Variants in ARHGAP15 observed in about 807,000 individuals in gnomAD.
The protein encoded by ARHGAP15 is Rho GTPase activating protein 15.
In ARHGAP15, 51 loss-of-function variants were observed where a neutral mutation model predicts 63.7. The ratio of observed to expected loss-of-function variants is 0.80; its 90% CI spans 0.64 to 1.01. The LOEUF (loss-of-function observed/expected upper bound fraction) is 1.01, where lower values mean the gene tolerates loss of function less well. Ranked by LOEUF, ARHGAP15 falls within the 50% of genes least tolerant of loss-of-function variation. ARHGAP15 has a pLI of 0.00. For missense variants in ARHGAP15, 560 were observed against 564.6 expected (o/e 0.99, Z 0.08); for synonymous variants, 191 against 193.8 (o/e 0.99, Z 0.12).
At chr2:143,218,923 T>C (rs1692877844) in intron 4 of ARHGAP15, among the ~76,000 whole-genome samples, 1 of 152,242 alleles carries the variant, frequency 6.6e-6, no homozygotes, top group Non-Finnish European at 1.5e-5. Flanking sequence ...TTATGAAGAC[T>C]ACCATGTCGC....
intron 11 of ARHGAP15, among the ~76,000 whole-genome samples, chr2:143,618,068 A>G (rs766350927): frequency 9.2e-5 from 14 of 152,218 alleles, no homozygotes; most frequent in Non-Finnish European, 1.3e-4. Flanking sequence ...GCACAGAAAG[A>G]TGCTACTTTT....
intron 6 of ARHGAP15, among the ~76,000 whole-genome samples, chr2:143,269,736 A>G (rs906254891): frequency 2.0e-5 from 3 of 151,942 alleles, no homozygotes; most frequent in Non-Finnish European, 4.4e-5. Flanking sequence ...TATTTCTTTG[A>G]TTATACTGAG....
chr2:143,621,443 T>G (rs1698644784), intron 11 of ARHGAP15, among the ~76,000 whole-genome samples: 1 of 152,212 alleles, frequency 6.6e-6, no homozygotes, highest in Non-Finnish European at 1.5e-5. Context: ...CATAACTTCA[T>G]GTTTAGATAA....
intron 2 of ARHGAP15, among the ~76,000 whole-genome samples, chr2:143,160,648 G>A (rs1174027179): frequency 1.3e-5 from 2 of 151,916 alleles, no homozygotes. Flanking sequence ...GTTTCCTAAG[G>A]TATTTTGCAG....
rs982856556 is a variant in ARHGAP15 at position 143,588,408 on chromosome 2, G to A, written c.1003+31923G>A. Among the ~76,000 whole-genome samples, 3 of 152,070 alleles carry A rather than the reference G, an allele frequency of 2.0e-5. No homozygotes were observed. The East Asian group carries it at 5.8e-4, about 29-fold the overall frequency. The stretch of plus-strand genomic sequence containing the variant: ...GTTCCAGGAGACATGTGCAGAACGT[G>A]AGGTTTGCTGCATAGGTATACATGT... On this transcript the variant is annotated intron_variant, in intron 11 of 13. Transcript: ENST00000295095.
intron 10 of ARHGAP15, among the ~76,000 whole-genome samples, chr2:143,526,133 A>G (rs1363909321): frequency 6.6e-6 from 1 of 152,150 alleles, no homozygotes; most frequent in Non-Finnish European, 1.5e-5. Flanking sequence ...TAATTCACAT[A>G]TTTATTAGTG....
chr2:143,194,318 A>T (rs1365314870), intron 2 of ARHGAP15, among the ~76,000 whole-genome samples: 1 of 152,146 alleles, frequency 6.6e-6, no homozygotes, highest in African/African-American at 2.4e-5. Context: ...CTACTCCCTA[A>T]ACTATTTCAT....
intron 13 of ARHGAP15, among the ~76,000 whole-genome samples, chr2:143,749,586 T>G (rs1686293986): frequency 6.6e-6 from 1 of 152,230 alleles, no homozygotes; most frequent in African/African-American, 2.4e-5. Flanking sequence ...TATGCTTGGT[T>G]CATATAATCT....
At chr2:143,256,563 G>T (rs1287693509) in intron 6 of ARHGAP15, among the ~76,000 whole-genome samples, 1 of 151,894 alleles carries the variant, frequency 6.6e-6, no homozygotes, top group Non-Finnish European at 1.5e-5. Context: ...ACTTGCAAAA[G>T]GTAACATAGA....
chr2:143,679,977 AG>A (rs1263244288), intron 12 of ARHGAP15, among the ~76,000 whole-genome samples: 1 of 148,952 alleles, frequency 6.7e-6, no homozygotes, highest in East Asian at 2.0e-4. Context: ...ACAGAAGGCC[AG>A]GGGCAAGAGC....
chr2:143,482,548 C>T (rs542212635), intron 8 of ARHGAP15, among the ~76,000 whole-genome samples: 1 of 152,240 alleles, frequency 6.6e-6, no homozygotes, highest in Admixed American at 6.5e-5. Flanking sequence ...AACTATGTCC[C>T]GATTATCACA....
chr2:143,305,839 T>C (rs1203854139), intron 6 of ARHGAP15, among the ~76,000 whole-genome samples: 1 of 152,094 alleles, frequency 6.6e-6, no homozygotes, highest in Non-Finnish European at 1.5e-5. Context: ...TTAGCAACTG[T>C]TGTAAACAAA....
intron 1 of ARHGAP15, among the ~76,000 whole-genome samples, chr2:143,147,594 G>A (rs1190922932): frequency 6.6e-6 from 1 of 151,984 alleles, no homozygotes. Flanking sequence ...AAATTCAGAA[G>A]CAGTTCCACT....
chr2:143,469,713 TATCTC>T (rs899702937), intron 8 of ARHGAP15, among the ~76,000 whole-genome samples: 1 of 152,242 alleles, frequency 6.6e-6, no homozygotes, highest in African/African-American at 2.4e-5. Context: ...GGATATGAGA[TATCTC>T]ATTAACAAAT....
At chr2:143,585,546 GT>G (rs1211089646) in intron 11 of ARHGAP15, among the ~76,000 whole-genome samples, 2 of 152,028 alleles carry the variant, frequency 1.3e-5, no homozygotes. Flanking sequence ...TAGCAAAAAT[GT>G]TTTATGTTTA....
chr2:143,301,283 T>C (rs1229942295), intron 6 of ARHGAP15, among the ~76,000 whole-genome samples: 1 of 152,012 alleles, frequency 6.6e-6, no homozygotes, highest in African/African-American at 2.4e-5. Context: ...GTTTTGAAGA[T>C]AATAAACAAA....
intron 6 of ARHGAP15, among the ~76,000 whole-genome samples, chr2:143,331,609 A>T (rs1350095045): frequency 6.6e-6 from 1 of 152,212 alleles, no homozygotes; most frequent in Non-Finnish European, 1.5e-5. Flanking sequence ...TTTAGCAGCA[A>T]GGATTATATA....
At chr2:143,737,147 A>G (rs966158502) in intron 13 of ARHGAP15, among the ~76,000 whole-genome samples, 1 of 152,246 alleles carries the variant, frequency 6.6e-6, no homozygotes, top group Non-Finnish European at 1.5e-5. Flanking sequence ...AGCCGGGAAC[A>G]TTGAATATGT....
chr2:143,284,414 A>C (rs891929102), intron 6 of ARHGAP15, among the ~76,000 whole-genome samples: 3 of 152,208 alleles, frequency 2.0e-5, no homozygotes, highest in Non-Finnish European at 4.4e-5. Flanking sequence ...AAAATGCAGC[A>C]CTCTGGAAGC....
Sources: gnomAD v4.1 joint callset for allele counts (sites outside exome capture counted in the v4.1 genomes callset) on GRCh38, gnomAD v4.1.1 for gene constraint, MANE v1.5 for transcripts, NCBI Gene and HGNC (gene_info 2026-07-23, HGNC 2026-07-21) for gene names.